The following HECTD2 variants were observed in gnomAD, a reference collection of about 807,000 sequenced individuals.
HECTD2 encodes probable E3 ubiquitin-protein ligase HECTD2.
Under a neutral mutation model 103.2 loss-of-function variants are expected in HECTD2, and 35 were observed. That is an observed-to-expected ratio of 0.34 (90% CI 0.26 to 0.45). The LOEUF (loss-of-function observed/expected upper bound fraction) is 0.45. Among genes scored for constraint, HECTD2 ranks in the 20% least tolerant of loss-of-function variants. The pLI is 1.00. For missense variants in HECTD2, 596 were observed against 937.4 expected (o/e 0.64, Z 4.76); for synonymous variants, 281 against 329.9 (o/e 0.85, Z 1.61).
chr10:91,493,877 C>T (rs1846566689), intron 14 of HECTD2, among the ~76,000 whole-genome samples: 1 of 151,768 alleles, frequency 6.6e-6, no homozygotes, highest in African/African-American at 2.4e-5. Flanking sequence ...CCTCAGTTTA[C>T]TGAATTGAAA....
upstream of HECTD2, among the ~76,000 whole-genome samples, chr10:91,410,132 G>A (rs1210028749): frequency 6.6e-6 from 1 of 151,874 alleles, no homozygotes; most frequent in Non-Finnish European, 1.5e-5. Context: ...GGCCCTCGGG[G>A]TTGACGAGGG....
chr10:91,415,027 A>G (rs755950427), intron 1 of HECTD2, among the ~76,000 whole-genome samples: 6 of 152,222 alleles, frequency 3.9e-5, no homozygotes, highest in Non-Finnish European at 4.4e-5. Flanking sequence ...GCCTGAGGCA[A>G]TGAGTGCATC....
At chr10:91,418,417 T>C (rs1843217566) in intron 1 of HECTD2, among the ~76,000 whole-genome samples, 1 of 152,204 alleles carries the variant, frequency 6.6e-6, no homozygotes, top group Admixed American at 6.5e-5. Context: ...TTTTCAGTCA[T>C]CTATATGATC....
intron 20 of HECTD2, 86 bp downstream of exon 20, chr10:91,501,420 A>G: frequency 1.3e-6 from 1 of 767,312 alleles, no homozygotes. Context: ...CAGGATGTGT[A>G]CTCCGTTTGA....
At chr10:91,493,982 G>A (rs1846570846) in intron 14 of HECTD2, among the ~76,000 whole-genome samples, 1 of 151,930 alleles carries the variant, frequency 6.6e-6, no homozygotes, top group Admixed American at 6.6e-5. Context: ...AATATTTAAA[G>A]CATATAGTAT....
intron 7 of HECTD2, among the ~76,000 whole-genome samples, chr10:91,481,947 G>A (rs931368109): frequency 1.3e-5 from 2 of 151,514 alleles, no homozygotes; most frequent in Non-Finnish European, 3.0e-5. Flanking sequence ...GAGGAAAGAG[G>A]AAAAAGTGGA....
intron 5 of HECTD2, among the ~76,000 whole-genome samples, chr10:91,476,903 G>A (rs183970127): frequency 1.5e-3 from 215 of 140,440 alleles, no homozygotes; most frequent in Admixed American, 2.5e-3. Context: ...GGTCCGGGCC[G>A]GGCGCGGTGG....
chr10:91,411,315 T>G (rs1842910011), intron 1 of HECTD2, among the ~76,000 whole-genome samples: 2 of 152,170 alleles, frequency 1.3e-5, no homozygotes, highest in African/African-American at 4.8e-5. Flanking sequence ...CTTTCCCTAT[T>G]TTTACTGGTG....
chr10:91,465,123 A>ATAAT (rs1218750044), intron 5 of HECTD2, among the ~76,000 whole-genome samples: 1 of 152,224 alleles, frequency 6.6e-6, no homozygotes, highest in Non-Finnish European at 1.5e-5. Flanking sequence ...GTATAGACAA[A>ATAAT]TAATTCTGAA....
chr10:91,453,111 G>A (rs1422528757), intron 2 of HECTD2, among the ~76,000 whole-genome samples: 1 of 152,076 alleles, frequency 6.6e-6, no homozygotes, highest in South Asian at 2.1e-4. Context: ...CACCAGCGTG[G>A]TTCTAAATGT....
intron 5 of HECTD2, among the ~76,000 whole-genome samples, chr10:91,477,098 G>A (rs1845934065): frequency 6.6e-6 from 1 of 151,692 alleles, no homozygotes; most frequent in South Asian, 2.1e-4. Context: ...GGAGAATGGC[G>A]TGAACCCGGG....
At chr10:91,420,448 G>T (rs12240706) in intron 1 of HECTD2, among the ~76,000 whole-genome samples, 1 of 151,284 alleles carries the variant, frequency 6.6e-6, no homozygotes, top group South Asian at 2.1e-4. Flanking sequence ...AAAAAGCTGG[G>T]CATGGTGGCA....
At chr10:91,455,344 G>T (rs1589501868) in intron 2 of HECTD2, among the ~76,000 whole-genome samples, 1 of 152,170 alleles carries the variant, frequency 6.6e-6, no homozygotes, top group East Asian at 1.9e-4. Context: ...TTTTTTTCAT[G>T]TGTCTGTTGG....
In HECTD2 at chr10:91,483,038, G is replaced by A. The variant is rs764559672; in HGVS notation, c.783G>A (p.Val261=). The change falls in exon 8 of 21, where the codon GTG becomes GTA. Residue 261 remains valine (V), a synonymous_variant. Coordinates refer to ENST00000298068, the MANE Select transcript of HECTD2 (RefSeq NM_182765.6). ...AHLLRQIATL[V]EADHHFLVHW... The stretch of plus-strand genomic sequence containing the variant: ...TGCTACGACAGATAGCTACCTTAGT[G>A]GAAGCTGACCATCATTTCCTAGTTC... 6.3e-7 allele frequency: 1 copy of A among 1,584,124 alleles called. No homozygotes were observed. Among genetic ancestry groups the A allele is most frequent in the Admixed American group, 1.7e-5 (1 of 59,352 alleles).
In HECTD2 at chr10:91,487,612, T is replaced by A. The variant is rs779268779; in HGVS notation, c.1095-70T>A. 1.5e-5 allele frequency: 14 copies of A among 915,972 alleles called. No homozygotes were observed. Among genetic ancestry groups the A allele is most frequent in the Non-Finnish European group, 2.6e-5 (14 of 543,476 alleles). The allele number at this position is 915,972 out of a possible 1,614,324, so 56.7% of individuals were successfully genotyped here. On this transcript the variant is annotated intron_variant, in intron 10 of 20. Transcript: ENST00000298068. This position sits in a 1 kb window ranked among gnomAD's most constrained non-coding sequence, Gnocchi z 4.1. ...TTTTATATTGCTACAAGGGGTACCT[T>A]AGATTCCCTTAGTATAATTTTGTTA... is the stretch of plus-strand genomic sequence containing the variant.
At position 91,487,676 on chromosome 10, in the gene HECTD2, G is replaced by A; in HGVS notation, c.1095-6G>A. 6.3e-7 allele frequency: 1 copy of A among 1,594,108 alleles called. No individual in the cohort carries two copies. The highest frequency in any genetic ancestry group is 8.6e-7 in the Non-Finnish European group (1 of 1,162,540). ...TTGCTTTTTCTTTTTTTCACTTGTT[G>A]AGCAGGTTTTCCTTCTGTCAGTACC... On this transcript the variant is annotated splice_polypyrimidine_tract_variant and splice_region_variant and intron_variant, in intron 10 of 20. Coordinates refer to ENST00000298068, the MANE Select transcript of HECTD2 (RefSeq NM_182765.6). This position sits in a 1 kb window ranked among gnomAD's most constrained non-coding sequence, Gnocchi z 4.1.
At chr10:91,454,104 A>G (rs1844961436) in intron 2 of HECTD2, among the ~76,000 whole-genome samples, 2 of 152,228 alleles carry the variant, frequency 1.3e-5, no homozygotes, top group African/African-American at 4.8e-5. Context: ...TCCAACTGTA[A>G]GTGTATATTT....
At chr10:91,504,224 C>T (rs1336406625) in intron 20 of HECTD2, among the ~76,000 whole-genome samples, 2 of 152,200 alleles carry the variant, frequency 1.3e-5, no homozygotes, top group African/African-American at 4.8e-5. Context: ...GAGCGCCTCT[C>T]CTCCTCCAAA....
chr10:91,444,280 C>A (rs1235028451), intron 2 of HECTD2, among the ~76,000 whole-genome samples: 2 of 152,022 alleles, frequency 1.3e-5, no homozygotes, highest in Admixed American at 6.5e-5. Flanking sequence ...TTTATTAATA[C>A]CATGTTGAGG....
Sources: allele counts gnomAD v4.1 joint callset (sites outside exome capture counted in the v4.1 genomes callset), GRCh38; gene constraint gnomAD v4.1.1; non-coding constraint Gnocchi (gnomAD v3.1); transcripts MANE v1.5; gene names NCBI Gene and HGNC (gene_info 2026-07-23, HGNC 2026-07-21).